The following MYLK3 variants were observed in gnomAD, a reference collection of about 807,000 sequenced individuals.
MYLK3 encodes MLC kinase.
Under a neutral mutation model 76.3 loss-of-function variants are expected in MYLK3, and 55 were observed. The ratio of observed to expected loss-of-function variants is 0.72; its 90% CI spans 0.58 to 0.90. The LOEUF is 0.90. Ranked by LOEUF, MYLK3 falls within the 40% of genes least tolerant of loss-of-function variation. MYLK3 has a pLI of 0.00. For synonymous variants in MYLK3, 416 were observed against 425.4 expected, an observed-to-expected ratio of 0.98 and a Z score of 0.27; for missense variants, 973 against 1,053.6, an observed-to-expected ratio of 0.92 and a Z score of 1.06.
At chr16:46,736,489 G>T (rs1966868945) in intron 3 of MYLK3, among the ~76,000 whole-genome samples, 1 of 152,186 alleles carries the variant, frequency 6.6e-6, no homozygotes, top group Admixed American at 6.5e-5. Context: ...CTGAGATAGA[G>T]AACTTTTCTT....
chr16:46,737,833 A>C lies in MYLK3; in HGVS notation c.879T>G (p.Pro293=). The C allele has an allele frequency of 1.2e-6, 2 of 1,613,646 alleles. No homozygotes were observed. The highest frequency in any genetic ancestry group is 1.7e-6 in the Non-Finnish European group (2 of 1,180,034). The change falls in exon 3 of 13, where the codon CCT becomes CCG. Residue 293 remains proline (P), a synonymous_variant. Coordinates refer to ENST00000394809, the MANE Select transcript of MYLK3 (RefSeq NM_182493.3). ...TGCCTTCCTCTAAGGGCTCAGGGTC[A>C]GGCCTGCTGGACGATGCTCCTTGTC... ...GAGQGASSSR[P]DPEPLEEGTR... is the part of the protein sequence containing the mutation.
At chr16:46,722,719 TG>T (rs1342009481) in intron 8 of MYLK3, among the ~76,000 whole-genome samples, 1 of 76,928 alleles carries the variant, frequency 1.3e-5, no homozygotes, top group Admixed American at 1.6e-4. Context: ...TTTTTTGGGG[TG>T]GGGGTGGGGA....
intron 9 of MYLK3, among the ~76,000 whole-genome samples, chr16:46,719,790 G>A (rs908159549): frequency 3.3e-5 from 5 of 152,194 alleles, no homozygotes; most frequent in South Asian, 2.1e-4. Flanking sequence ...GTTGGGTGGC[G>A]CCATGGGTAG....
chr16:46,738,763 G>GT (rs1966886808), intron 2 of MYLK3, among the ~76,000 whole-genome samples: 1 of 152,248 alleles, frequency 6.6e-6, no homozygotes, highest in Non-Finnish European at 1.5e-5. Context: ...AAAGACAAAA[G>GT]TTTTTTAAAT....
At chr16:46,762,317 A>T (rs1453013915) in intron 1 of MYLK3, among the ~76,000 whole-genome samples, 1 of 152,158 alleles carries the variant, frequency 6.6e-6, no homozygotes, top group Non-Finnish European at 1.5e-5. Context: ...TCTATATTTC[A>T]TTTATATTTT....
intron 1 of MYLK3, among the ~76,000 whole-genome samples, chr16:46,759,483 A>G (rs893597597): frequency 3.9e-5 from 6 of 152,136 alleles, no homozygotes; most frequent in Non-Finnish European, 8.8e-5. Flanking sequence ...AGGAGGAAAA[A>G]ACTGTTATCC....
At chr16:46,758,071 C>T (rs1026606538) in intron 1 of MYLK3, among the ~76,000 whole-genome samples, 3 of 151,982 alleles carry the variant, frequency 2.0e-5, no homozygotes, top group Non-Finnish European at 2.9e-5. Context: ...TAAAACTACT[C>T]AGGAGGCAGC....
intron 1 of MYLK3, among the ~76,000 whole-genome samples, chr16:46,743,534 TG>T (rs1966968822): frequency 6.6e-6 from 1 of 152,120 alleles, no homozygotes; most frequent in African/African-American, 2.4e-5. Flanking sequence ...GACAGCCTGA[TG>T]GGGAGCCTGG....
At chr16:46,735,140 CA>C (rs879396850) in intron 3 of MYLK3, among the ~76,000 whole-genome samples, 302 of 132,436 alleles carry the variant, frequency 2.3e-3, no homozygotes, top group Middle Eastern at 3.6e-3. Flanking sequence ...GACCCTGTCT[CA>C]AAAAAAAAAA....
At chr16:46,749,332 G>A (rs912934325), upstream of MYLK3, among the ~76,000 whole-genome samples, 1 of 152,250 alleles carries the variant, frequency 6.6e-6, no homozygotes, top group African/African-American at 2.4e-5. Flanking sequence ...GGTGGCCCAG[G>A]CAGGCACACG....
intron 1 of MYLK3, among the ~76,000 whole-genome samples, chr16:46,740,547 A>ATT (rs1411231005): frequency 3.0e-5 from 3 of 101,206 alleles, no homozygotes; most frequent in African/African-American, 7.4e-5. Context: ...ATATATATAT[A>ATT]TATATTTTTT....
In MYLK3 at chr16:46,705,726, G is replaced by A. The variant is rs1452389900; in HGVS notation, c.*1978C>T. The A allele has an allele frequency of 6.6e-6, 1 of 152,116 alleles. No individual in the cohort carries two copies. The highest frequency in any genetic ancestry group is 1.5e-5 in the Non-Finnish European group (1 of 68,028). 9.4% of individuals were successfully genotyped at this position (152,116 alleles called of 1,614,324 possible). A position where few individuals can be genotyped will look rare whatever the true frequency, so the allele number is the denominator to read the frequency against. On this transcript the variant is annotated 3_prime_UTR_variant, in exon 13 of 13. Transcript: ENST00000394809. ...TGTGTTAGTTGAAGCTGGGTGTGGT[G>A]GCTCACACCTATAATCCCAGCACTT...
In MYLK3 at chr16:46,748,336, G is replaced by A; in HGVS notation, c.-143C>T. 7.1e-7 allele frequency: 1 copy of A among 1,417,358 alleles called. No homozygotes were observed. 87.8% of individuals were successfully genotyped at this position (1,417,358 alleles called of 1,614,324 possible). A position where few individuals can be genotyped will look rare whatever the true frequency, so the allele number is the denominator to read the frequency against. On this transcript the variant is annotated 5_prime_UTR_variant, in exon 1 of 13. Transcript: ENST00000394809. This position sits in a 1 kb window ranked among gnomAD's most constrained non-coding sequence, Gnocchi z 4.3. ...GCAGCACCAACCTCCACGATGGCCT[G>A]GGCTGTGTGAGGAGCGCAGAGGCCC...
intron 1 of MYLK3, among the ~76,000 whole-genome samples, chr16:46,744,758 G>A (rs751618958): frequency 7.2e-5 from 11 of 152,038 alleles, no homozygotes; most frequent in African/African-American, 2.2e-4. Context: ...CCAACACTTC[G>A]GGAGGCTGAG....
chr16:46,758,726 A>G (rs1315376376), intron 1 of MYLK3, among the ~76,000 whole-genome samples: 2 of 152,190 alleles, frequency 1.3e-5, no homozygotes, highest in African/African-American at 2.4e-5. Flanking sequence ...AAGGTCACAC[A>G]GCACGTAAGT....
At chr16:46,752,512 T>C (rs1212759418), upstream of MYLK3, among the ~76,000 whole-genome samples, 1 of 152,174 alleles carries the variant, frequency 6.6e-6, no homozygotes, top group Non-Finnish European at 1.5e-5. Flanking sequence ...AACTTGCACA[T>C]GTATCACTGA....
At chr16:46,756,195 C>T (rs1422185074) in intron 1 of MYLK3, among the ~76,000 whole-genome samples, 1 of 152,182 alleles carries the variant, frequency 6.6e-6, no homozygotes, top group East Asian at 1.9e-4. Flanking sequence ...CAAGTGTGAG[C>T]CACCTCGCCC....
chr16:46,715,149 T>G (rs1363062743), intron 9 of MYLK3, among the ~76,000 whole-genome samples: 1 of 152,208 alleles, frequency 6.6e-6, no homozygotes, highest in Non-Finnish European at 1.5e-5. Flanking sequence ...GAATATTTAG[T>G]ATCTTCTATT....
At chr16:46,722,503 G>A (rs554296961) in intron 8 of MYLK3, among the ~76,000 whole-genome samples, 1 of 152,290 alleles carries the variant, frequency 6.6e-6, no homozygotes, top group Admixed American at 6.5e-5. Flanking sequence ...TCAGATAGGT[G>A]TGAGAGAATG....
Sources: allele counts gnomAD v4.1 joint callset (sites outside exome capture counted in the v4.1 genomes callset), GRCh38; gene constraint gnomAD v4.1.1; non-coding constraint Gnocchi (gnomAD v3.1); transcripts MANE v1.5; gene names NCBI Gene and HGNC (gene_info 2026-07-23, HGNC 2026-07-21).